Variants in KCNMA1 observed in about 807,000 individuals in gnomAD.
KCNMA1 encodes potassium calcium-activated channel subfamily M alpha 1, also known as Calcium-activated potassium channel subunit alpha-1.
In KCNMA1, 29 loss-of-function variants were observed where a neutral mutation model predicts 140.0. The observed-to-expected ratio is 0.21, with a 90% CI of 0.15 to 0.28. The LOEUF (loss-of-function observed/expected upper bound fraction) is 0.28. Ranked by LOEUF, KCNMA1 falls within the 10% of genes least tolerant of loss-of-function variation. The pLI, the probability that KCNMA1 is intolerant of heterozygous loss-of-function variation, is 1.00. For missense variants in KCNMA1, 880 were observed against 1,602.2 expected, an observed-to-expected ratio of 0.55 and a Z score of 7.70; for synonymous variants, 612 against 611.9, an observed-to-expected ratio of 1.00 and a Z score of 0.00.
At chr10:77,086,044 G>A (rs531725644) in intron 11 of KCNMA1, among the ~76,000 whole-genome samples, 3 of 152,092 alleles carry the variant, frequency 2.0e-5, no homozygotes, top group Non-Finnish European at 2.9e-5. Flanking sequence ...ATGTTTTATC[G>A]CTTAGTAAAA....
intron 1 of KCNMA1, among the ~76,000 whole-genome samples, chr10:77,438,319 C>T (rs907190589): frequency 6.6e-6 from 1 of 152,172 alleles, no homozygotes; most frequent in African/African-American, 2.4e-5. Flanking sequence ...GTAATTCCAA[C>T]ACTTTGGGAG....
intron 23 of KCNMA1, among the ~76,000 whole-genome samples, chr10:76,942,812 G>C (rs1221089873): frequency 2.0e-5 from 3 of 152,172 alleles, no homozygotes; most frequent in African/African-American, 7.2e-5. Flanking sequence ...TGTACTTAAA[G>C]GGAGAATCAT....
chr10:77,623,191 C>G (rs999179306), intron 1 of KCNMA1, among the ~76,000 whole-genome samples: 1 of 152,174 alleles, frequency 6.6e-6, no homozygotes, highest in African/African-American at 2.4e-5. Context: ...TTCCATGCAA[C>G]TTAGGAGAGA....
At chr10:77,055,052 T>A (rs1217272837) in intron 14 of KCNMA1, among the ~76,000 whole-genome samples, 1 of 152,150 alleles carries the variant, frequency 6.6e-6, no homozygotes, top group Non-Finnish European at 1.5e-5. Flanking sequence ...AAAGGCAATA[T>A]TCTCCCCATT....
At chr10:77,568,506 C>T (rs1405577545) in intron 1 of KCNMA1, among the ~76,000 whole-genome samples, 8 of 151,904 alleles carry the variant, frequency 5.3e-5, no homozygotes, top group Non-Finnish European at 1.2e-4. Context: ...TCAATAGATG[C>T]AGAAAAGGCC....
intron 2 of KCNMA1, among the ~76,000 whole-genome samples, chr10:77,268,950 T>A (rs1393892985): frequency 6.6e-6 from 1 of 152,076 alleles, no homozygotes; most frequent in Non-Finnish European, 1.5e-5. Flanking sequence ...AATCCAAGCA[T>A]CTTGTGGCAG....
intron 14 of KCNMA1, among the ~76,000 whole-genome samples, chr10:77,041,723 G>A (rs2094707733): frequency 6.6e-6 from 1 of 152,190 alleles, no homozygotes; most frequent in Non-Finnish European, 1.5e-5. Flanking sequence ...GTCTTTGGCT[G>A]CAGCCTCTCA....
intron 5 of KCNMA1, among the ~76,000 whole-genome samples, chr10:77,121,607 C>T (rs905982390): frequency 2.0e-5 from 3 of 151,684 alleles, no homozygotes; most frequent in Admixed American, 2.0e-4. Flanking sequence ...AGATATCACA[C>T]CCCACAACTT....
intron 24 of KCNMA1, chr10:76,913,547 AG>A (rs66654889): frequency 0.087 from 12,695 of 146,742 alleles, 1,095 homozygotes; most frequent in African/African-American, 0.22. Flanking sequence ...ATGCCCTAGT[AG>A]GGGGGAAAAA....
At chr10:77,385,419 A>G (rs2095565093) in intron 2 of KCNMA1, among the ~76,000 whole-genome samples, 1 of 152,238 alleles carries the variant, frequency 6.6e-6, no homozygotes, top group African/African-American at 2.4e-5. Context: ...TAAGTACTTT[A>G]TAAATATTAG....
intron 2 of KCNMA1, among the ~76,000 whole-genome samples, chr10:77,359,273 G>A (rs2093748170): frequency 6.6e-6 from 1 of 152,170 alleles, no homozygotes; most frequent in Non-Finnish European, 1.5e-5. Flanking sequence ...AGGAAGGTTT[G>A]TCCGCCAGGA....
intron 19 of KCNMA1, among the ~76,000 whole-genome samples, chr10:76,984,152 T>C (rs1268302659): frequency 1.3e-5 from 2 of 152,114 alleles, no homozygotes; most frequent in African/African-American, 4.8e-5. Flanking sequence ...GCAATATTCT[T>C]TGGATGACTT....
intron 19 of KCNMA1, among the ~76,000 whole-genome samples, chr10:76,996,395 T>C (rs1053826991): frequency 6.6e-6 from 1 of 152,126 alleles, no homozygotes; most frequent in Non-Finnish European, 1.5e-5. Flanking sequence ...AATAAGAGTG[T>C]CTTAAGAAGC....
At chr10:77,303,047 T>G (rs571167519) in intron 2 of KCNMA1, among the ~76,000 whole-genome samples, 83 of 152,288 alleles carry the variant, frequency 5.5e-4, no homozygotes, top group African/African-American at 1.8e-3. Flanking sequence ...TGTGTAGCCT[T>G]GGGAAAATTA....
At chr10:77,572,605 A>ATATATATATATATATAT (rs2072036710) in intron 1 of KCNMA1, among the ~76,000 whole-genome samples, 1 of 41,848 alleles carries the variant, frequency 2.4e-5, no homozygotes, top group Non-Finnish European at 4.7e-5. Context: ...TATATATATA[A>ATATATATATATATATAT]ATTAGCTGGG....
chr10:77,039,128 C>G, intron 15 of KCNMA1: 1 of 287,632 alleles, frequency 3.5e-6, no homozygotes, highest in Non-Finnish European at 6.8e-6. Context: ...TATGATCAGA[C>G]TTGATGGGAA....
At chr10:76,906,002 T>G (rs2047684159) in intron 25 of KCNMA1, among the ~76,000 whole-genome samples, 1 of 152,214 alleles carries the variant, frequency 6.6e-6, no homozygotes, top group Non-Finnish European at 1.5e-5. Flanking sequence ...ACCCATTTAC[T>G]CATCTCTGCA....
intron 1 of KCNMA1, among the ~76,000 whole-genome samples, chr10:77,566,008 C>T (rs891783985): frequency 7.0e-6 from 1 of 142,860 alleles, no homozygotes; most frequent in African/African-American, 2.5e-5. Flanking sequence ...TATTCTCTCC[C>T]CTAAAATCTT....
At chr10:76,896,429 A>G (rs558939352) in intron 25 of KCNMA1, among the ~76,000 whole-genome samples, 3 of 152,292 alleles carry the variant, frequency 2.0e-5, no homozygotes, top group African/African-American at 7.2e-5. Context: ...GTTCAAACAC[A>G]CATGCTTTAG....
Sources: gnomAD v4.1 joint callset for allele counts (sites outside exome capture counted in the v4.1 genomes callset) on GRCh38, gnomAD v4.1.1 for gene constraint, MANE v1.5 for transcripts, NCBI Gene and HGNC (gene_info 2026-07-23, HGNC 2026-07-21) for gene names.